The following DIAPH3 variants were observed in gnomAD, a reference collection of about 807,000 sequenced individuals.
The protein encoded by DIAPH3 is diaphanous related formin 3, also known as protein diaphanous homolog 3.
A neutral mutation model predicts 144.3 loss-of-function variants in DIAPH3; 117 were observed. The ratio of observed to expected loss-of-function variants is 0.81; its 90% CI spans 0.70 to 0.95. DIAPH3 has a LOEUF of 0.95. DIAPH3 is among the 40% of genes least tolerant of loss of function. The pLI is 0.00. For missense variants in DIAPH3, 1,421 were observed against 1,412.7 expected, an observed-to-expected ratio of 1.01 and a Z score of -0.09; for synonymous variants, 519 against 488.9, an observed-to-expected ratio of 1.06 and a Z score of -0.81.
chr13:59,817,169 A>C (rs1049524890), intron 24 of DIAPH3, among the ~76,000 whole-genome samples: 1 of 151,874 alleles, frequency 6.6e-6, no homozygotes, highest in Admixed American at 6.6e-5. Flanking sequence ...TGCATGAAAA[A>C]ATGTGTATTC....
At chr13:59,872,217 T>C (rs1300811484) in intron 21 of DIAPH3, among the ~76,000 whole-genome samples, 6 of 152,220 alleles carry the variant, frequency 3.9e-5, no homozygotes, top group Non-Finnish European at 1.5e-5. Context: ...ATGCTATAAA[T>C]TTCCCTGTGA....
chr13:59,900,596 T>C (rs145583655), intron 20 of DIAPH3, among the ~76,000 whole-genome samples: 1 of 152,296 alleles, frequency 6.6e-6, no homozygotes, highest in African/African-American at 2.4e-5. Context: ...TGTGCCCCTC[T>C]CCAGGGAGAA....
chr13:59,892,175 G>A (rs1021946973), intron 20 of DIAPH3, among the ~76,000 whole-genome samples: 1 of 151,820 alleles, frequency 6.6e-6, no homozygotes, highest in African/African-American at 2.4e-5. Flanking sequence ...GAAAAAGAGG[G>A]TAACATAGAT....
intron 25 of DIAPH3, among the ~76,000 whole-genome samples, chr13:59,778,645 G>T: frequency 6.6e-6 from 1 of 152,160 alleles, no homozygotes; most frequent in East Asian, 1.9e-4. Context: ...CTATTTAGTT[G>T]TCAAATACTA....
intron 8 of DIAPH3, among the ~76,000 whole-genome samples, chr13:60,010,284 AAC>A (rs984087062): frequency 3.9e-5 from 6 of 152,176 alleles, no homozygotes; most frequent in African/African-American, 1.2e-4. Flanking sequence ...CAGTTAAAAA[AAC>A]AGTTTAAATA....
chr13:60,030,862 A>G (rs2054734437), intron 5 of DIAPH3, among the ~76,000 whole-genome samples: 2 of 152,220 alleles, frequency 1.3e-5, no homozygotes. Context: ...AATGAACAAG[A>G]CAGACATAGA....
At chr13:59,799,393 AC>A (rs1331339902) in intron 25 of DIAPH3, among the ~76,000 whole-genome samples, 1 of 151,612 alleles carries the variant, frequency 6.6e-6, no homozygotes, top group Non-Finnish European at 1.5e-5. Context: ...ACACACACAC[AC>A]ACACACACAC....
intron 17 of DIAPH3, among the ~76,000 whole-genome samples, chr13:59,967,055 T>G (rs188490599): frequency 6.6e-6 from 1 of 151,848 alleles, no homozygotes; most frequent in Admixed American, 6.6e-5. Flanking sequence ...GTTTGCCTGT[T>G]TTTGTTTTTT....
chr13:60,156,939 ATT>A (rs757042309), intron 1 of DIAPH3, among the ~76,000 whole-genome samples: 3,987 of 81,068 alleles, frequency 0.049, 169 homozygotes, highest in Middle Eastern at 0.065. Flanking sequence ...ATATATATAT[ATT>A]TTTTTTTTTT....
chr13:60,073,308 C>CAAA (rs550329629), intron 4 of DIAPH3, among the ~76,000 whole-genome samples: 1 of 123,342 alleles, frequency 8.1e-6, no homozygotes. Flanking sequence ...GATGTTGTCT[C>CAAA]AAAAAAAAAA....
intron 24 of DIAPH3, among the ~76,000 whole-genome samples, chr13:59,813,025 T>C (rs984925809): frequency 3.9e-5 from 6 of 152,042 alleles, no homozygotes; most frequent in Non-Finnish European, 8.8e-5. Context: ...TACTACCTAT[T>C]ATAAAAGACT....
chr13:59,671,495 G>A (rs945019410), intron 27 of DIAPH3, among the ~76,000 whole-genome samples: 5 of 152,072 alleles, frequency 3.3e-5, no homozygotes, highest in Admixed American at 2.0e-4. Flanking sequence ...TGAATCCTAG[G>A]CCTTTTTTTT....
intron 27 of DIAPH3, among the ~76,000 whole-genome samples, chr13:59,757,165 T>C (rs1312909920): frequency 6.6e-6 from 1 of 152,036 alleles, no homozygotes; most frequent in Non-Finnish European, 1.5e-5. Context: ...TCCAGTGTTA[T>C]TGAGAATTAG....
chr13:59,787,662 A>G (rs2039108493), intron 25 of DIAPH3, among the ~76,000 whole-genome samples: 1 of 152,192 alleles, frequency 6.6e-6, no homozygotes, highest in African/African-American at 2.4e-5. Flanking sequence ...ATTTTCTTAA[A>G]ATAAAGAATG....
chr13:59,727,030 T>C (rs1270798862), intron 27 of DIAPH3, among the ~76,000 whole-genome samples: 1 of 152,202 alleles, frequency 6.6e-6, no homozygotes, highest in African/African-American at 2.4e-5. Flanking sequence ...GGTCTCTTTT[T>C]ACATTAATGT....
At chr13:59,756,448 G>GGAAGGAAGGAAGGAAGGAAGGAAA (rs1555289852) in intron 27 of DIAPH3, among the ~76,000 whole-genome samples, 2,294 of 125,702 alleles carry the variant, frequency 0.018, 31 homozygotes, top group Admixed American at 0.051. Flanking sequence ...AAGGAAAGAA[G>GGAAGGAAGGAAGGAAGGAAGGAAA]GAAGGAAGGA....
At chr13:59,999,471 T>C (rs2052400157) in intron 9 of DIAPH3, among the ~76,000 whole-genome samples, 1 of 152,120 alleles carries the variant, frequency 6.6e-6, no homozygotes, top group Admixed American at 6.5e-5. Flanking sequence ...TAACTATCTT[T>C]GCAGCAGCCA....
chr13:59,974,362 A>G lies in DIAPH3; in HGVS notation c.1640T>C (p.Phe547Ser). 6.2e-7 allele frequency: 1 copy of G among 1,612,088 alleles called. No homozygotes were observed. The highest frequency in any genetic ancestry group is 8.5e-7 in the Non-Finnish European group (1 of 1,179,350). ...AGAGTGGAATTTTACCTGAGACTTAAAAGCTTGTAGCTCTGCTTGAAGCTC... is the reference window on the plus strand; with the variant it reads ...AGAGTGGAATTTTACCTGAGACTTAGAAGCTTGTAGCTCTGCTTGAAGCTC... ...INELQAELQA[F>S]KSQFGALPAD... The change falls in exon 15 of 28, where the codon TTT becomes TCT. Residue 547 changes from phenylalanine to serine, a missense_variant. By Grantham distance (155) the Phe-to-Ser change is radical. Coordinates refer to ENST00000400324, the MANE Select transcript of DIAPH3 (RefSeq NM_001042517.2).
At chr13:59,739,240 G>A (rs867307129) in intron 27 of DIAPH3, among the ~76,000 whole-genome samples, 30 of 152,232 alleles carry the variant, frequency 2.0e-4, no homozygotes, top group African/African-American at 6.3e-4. Flanking sequence ...AACTGACTAC[G>A]TTTCATCTAC....
Sources: allele counts gnomAD v4.1 joint callset (sites outside exome capture counted in the v4.1 genomes callset), GRCh38; gene constraint gnomAD v4.1.1; transcripts MANE v1.5; gene names NCBI Gene and HGNC (gene_info 2026-07-23, HGNC 2026-07-21).